Variants in INSYN2B observed in about 807,000 individuals in gnomAD.
The protein encoded by INSYN2B is protein INSYN2B.
INSYN2B carries 16 observed loss-of-function variants against 41.2 expected under a neutral mutation model. That is an observed-to-expected ratio of 0.39 (90% CI 0.26 to 0.59). The LOEUF is 0.59. Among genes scored for constraint, INSYN2B ranks in the 20% least tolerant of loss-of-function variants. INSYN2B has a pLI of 0.57. For synonymous variants in INSYN2B, 245 were observed against 244.4 expected (o/e 1.00, Z -0.02); for missense variants, 608 against 646.4 (o/e 0.94, Z 0.64).
intron 3 of INSYN2B, chr5:169,875,185 T>TAA (rs11390591): frequency 4.4e-6 from 2 of 455,914 alleles, no homozygotes; most frequent in South Asian, 1.6e-5. Context: ...ATTTTTTACC[T>TAA]AAAAAAATCC....
intron 1 of INSYN2B, among the ~76,000 whole-genome samples, chr5:169,917,776 A>G (rs1383087673): frequency 6.6e-6 from 1 of 152,208 alleles, no homozygotes; most frequent in Non-Finnish European, 1.5e-5. Context: ...TTCTGGCCCT[A>G]CCACACAGAA....
chr5:169,928,120 G>A (rs1047576890), intron 1 of INSYN2B, among the ~76,000 whole-genome samples: 4 of 152,162 alleles, frequency 2.6e-5, no homozygotes, highest in African/African-American at 9.7e-5. Context: ...GTTCCTTCAG[G>A]CCTTCCCAGC....
intron 1 of INSYN2B, among the ~76,000 whole-genome samples, chr5:169,917,468 A>G (rs1298274079): frequency 6.6e-6 from 1 of 152,180 alleles, no homozygotes; most frequent in African/African-American, 2.4e-5. Context: ...TACTGTGACT[A>G]TCAGTGGAGC....
chr5:169,865,236 G>A (rs563075771), intron 3 of INSYN2B, among the ~76,000 whole-genome samples: 2 of 152,238 alleles, frequency 1.3e-5, no homozygotes, highest in East Asian at 1.9e-4. Context: ...ATTAACATAC[G>A]GACTGCATTG....
At chr5:169,873,737 A>G (rs987267299) in intron 3 of INSYN2B, among the ~76,000 whole-genome samples, 4 of 152,216 alleles carry the variant, frequency 2.6e-5, no homozygotes, top group African/African-American at 9.6e-5. Flanking sequence ...TGGTTAGGTA[A>G]TAGCTTTGAG....
chr5:169,929,761 A>AAAG (rs1775656228), intron 1 of INSYN2B, among the ~76,000 whole-genome samples: 1 of 149,516 alleles, frequency 6.7e-6, no homozygotes, highest in Non-Finnish European at 1.5e-5. Flanking sequence ...AAAAAAAAAA[A>AAAG]AGAGAGAGAG....
chr5:169,867,330 A>T (rs564693494), intron 3 of INSYN2B, among the ~76,000 whole-genome samples: 3 of 152,300 alleles, frequency 2.0e-5, no homozygotes, highest in African/African-American at 7.2e-5. Context: ...CCTGAGGCCT[A>T]ACTCACCCAA....
chr5:169,889,190 T>C (rs55848615), intron 1 of INSYN2B, among the ~76,000 whole-genome samples: 5,310 of 152,338 alleles, frequency 0.035, 183 homozygotes, highest in African/African-American at 0.089. Context: ...GTTGGATAGT[T>C]GCATGGAATA....
intron 1 of INSYN2B, among the ~76,000 whole-genome samples, chr5:169,925,958 T>G (rs1775428872): frequency 1.3e-5 from 2 of 152,150 alleles, no homozygotes; most frequent in South Asian, 4.1e-4. Context: ...TTTGTGAGTA[T>G]CATCTCTGAG....
intron 1 of INSYN2B, among the ~76,000 whole-genome samples, chr5:169,921,531 TG>T: frequency 6.6e-6 from 1 of 152,298 alleles, no homozygotes; most frequent in Middle Eastern, 3.4e-3. Context: ...ATTTGGAAAA[TG>T]TTGCCTCTTT....
At chr5:169,974,218 A>T (rs1777631652) in intron 1 of INSYN2B, among the ~76,000 whole-genome samples, 1 of 152,218 alleles carries the variant, frequency 6.6e-6, no homozygotes. Context: ...TATTACCAAC[A>T]TCTACTGAAA....
At chr5:169,917,073 A>G (rs1314489734) in intron 1 of INSYN2B, among the ~76,000 whole-genome samples, 1 of 152,246 alleles carries the variant, frequency 6.6e-6, no homozygotes, top group Non-Finnish European at 1.5e-5. Context: ...CTCACAGCTT[A>G]AAGTCAGTGG....
chr5:169,973,130 C>T (rs1285787825), intron 1 of INSYN2B, among the ~76,000 whole-genome samples: 1 of 152,214 alleles, frequency 6.6e-6, no homozygotes. Context: ...ACAAAGTAAT[C>T]TTCCCTCCTG....
chr5:169,912,612 G>A (rs1173226274), intron 1 of INSYN2B, among the ~76,000 whole-genome samples: 1 of 131,090 alleles, frequency 7.6e-6, no homozygotes, highest in Admixed American at 7.7e-5. Context: ...ACTGTGTGTG[G>A]TGGAGTGTAT....
chr5:169,883,138 T>C lies in INSYN2B; in HGVS notation c.761A>G (p.Lys254Arg). The change falls in exon 2 of 4, where the codon AAA (lysine) becomes AGA (arginine). Residue 254 changes from lysine to arginine, a missense_variant. Physicochemically the swap from Lys to Arg is conservative, Grantham distance 26. Transcript: ENST00000377365. ...GRRVTPLDSE[K>R]STSCLNATSV... Reference sequence around the variant, plus strand: ...GGTGGCATTTAAGCAGGAGGTGGATTTTTCTGAATCTAGTGGAGTCACCCT... The same window carrying C: ...GGTGGCATTTAAGCAGGAGGTGGATCTTTCTGAATCTAGTGGAGTCACCCT... The C allele has an allele frequency of 6.4e-7, 1 of 1,551,544 alleles. No individual in the cohort carries two copies. The highest frequency in any genetic ancestry group is 8.7e-7 in the Non-Finnish European group (1 of 1,146,930).
At chr5:169,898,996 A>G (rs1285199682) in intron 1 of INSYN2B, among the ~76,000 whole-genome samples, 1 of 152,200 alleles carries the variant, frequency 6.6e-6, no homozygotes, top group Non-Finnish European at 1.5e-5. Context: ...GAAGTAGAAC[A>G]GGTCTGGTTT....
chr5:169,974,724 G>C (rs1379055553), intron 1 of INSYN2B, among the ~76,000 whole-genome samples: 1 of 152,114 alleles, frequency 6.6e-6, no homozygotes, highest in Non-Finnish European at 1.5e-5. Context: ...TTCCTGCACA[G>C]CCCTTCCTGA....
In INSYN2B at chr5:169,864,246, G is replaced by C. The variant is rs141509405; in HGVS notation, c.*27C>G. On this transcript the variant is annotated 3_prime_UTR_variant, in exon 4 of 4. Transcript: ENST00000377365. ...CATCTCAGGGAAGTGCGTGGAGTTGGGGGGCTGGGGGATGGTCCCAACCAG... is the reference window on the plus strand; with the variant it reads ...CATCTCAGGGAAGTGCGTGGAGTTGCGGGGCTGGGGGATGGTCCCAACCAG... 3.9e-6 allele frequency: 6 copies of C among 1,544,058 alleles called. No homozygotes were observed. Among genetic ancestry groups the C allele is most frequent in the South Asian group, 3.6e-5 (3 of 83,902 alleles).
intron 1 of INSYN2B, among the ~76,000 whole-genome samples, chr5:169,920,257 T>C (rs908556460): frequency 6.6e-6 from 1 of 152,194 alleles, no homozygotes; most frequent in Non-Finnish European, 1.5e-5. Flanking sequence ...TATGCAGTTA[T>C]TATGATGTTC....
Sources: allele counts gnomAD v4.1 joint callset (sites outside exome capture counted in the v4.1 genomes callset), GRCh38; gene constraint gnomAD v4.1.1; transcripts MANE v1.5; gene names NCBI Gene and HGNC (gene_info 2026-07-23, HGNC 2026-07-21).